FGF14: variants seen among roughly 807,000 people sequenced by gnomAD.
FGF14 encodes the protein fibroblast growth factor homologous factor 4.
A neutral mutation model predicts 25.5 loss-of-function variants in FGF14; 5 were observed. The observed-to-expected ratio is 0.20, with a 90% CI of 0.10 to 0.41. The LOEUF is 0.41. Ranked by LOEUF, FGF14 falls within the 10% of genes least tolerant of loss-of-function variation. FGF14 has a pLI of 1.00. For synonymous variants in FGF14, 138 were observed against 118.3 expected (o/e 1.17, Z -1.08); for missense variants, 222 against 320.1 (o/e 0.69, Z 2.34).
At chr13:102,230,242 G>C (rs776136173) in intron 1 of FGF14, among the ~76,000 whole-genome samples, 1 of 152,074 alleles carries the variant, frequency 6.6e-6, no homozygotes, top group East Asian at 1.9e-4. Context: ...TTTTATCTTG[G>C]ACTTCCCAGT....
chr13:102,256,260 G>C (rs9518686), intron 1 of FGF14, among the ~76,000 whole-genome samples: 23,340 of 151,952 alleles, frequency 0.15, 1,998 homozygotes, highest in East Asian at 0.39. Flanking sequence ...TGTAATCCCA[G>C]CATTTTGGAA....
At chr13:102,212,246 T>G (rs1388692435) in intron 1 of FGF14, among the ~76,000 whole-genome samples, 3 of 151,506 alleles carry the variant, frequency 2.0e-5, no homozygotes, top group African/African-American at 7.4e-5. Context: ...ATATGACATG[T>G]TTTTTTAAAG....
chr13:101,724,597 AAT>A (rs201033233), intron 4 of FGF14, among the ~76,000 whole-genome samples: 2,588 of 121,102 alleles, frequency 0.021, 48 homozygotes, highest in African/African-American at 0.048. Flanking sequence ...ATAATAATAA[AAT>A]ATATATATAT....
At chr13:102,147,391 T>C (rs150135499) in intron 1 of FGF14, among the ~76,000 whole-genome samples, 138 of 152,374 alleles carry the variant, frequency 9.1e-4, no homozygotes, top group African/African-American at 2.9e-3. Flanking sequence ...GTGTTCATAG[T>C]GCAGGCCATT....
chr13:102,205,850 G>C (rs1299917790), intron 1 of FGF14, among the ~76,000 whole-genome samples: 2 of 151,294 alleles, frequency 1.3e-5, no homozygotes, highest in Non-Finnish European at 2.9e-5. Context: ...AAGTGGGTCA[G>C]GCAAGCAGCA....
chr13:102,018,708 T>C lies in FGF14; in HGVS notation c.209-143412A>G, dbSNP rs576435221. Among the ~76,000 whole-genome samples, 9 of 152,222 alleles carry C rather than the reference T, an allele frequency of 5.9e-5. No individual in the cohort carries two copies. In the South Asian group the frequency reaches 1.0e-3, roughly 17 times the overall value. On this transcript the variant is annotated intron_variant, in intron 1 of 4. Transcript: ENST00000376131. ...TCCATCGCCCTCCATCCCTGAGGCC[T>C]CTTCATCCAGCTCCTCTAGCTCAGA...
At chr13:101,944,090 A>AG (rs905080238) in intron 1 of FGF14, among the ~76,000 whole-genome samples, 18 of 151,848 alleles carry the variant, frequency 1.2e-4, no homozygotes, top group Admixed American at 7.2e-4. Context: ...AAATGCTTTT[A>AG]GACTGTGAAG....
intron 1 of FGF14, among the ~76,000 whole-genome samples, chr13:101,904,182 T>C (rs2031942328): frequency 6.6e-6 from 1 of 152,112 alleles, no homozygotes; most frequent in Admixed American, 6.6e-5. Context: ...TTCCAGCCAG[T>C]TTGTGGGAGC....
chr13:101,730,895 A>T (rs1334555266), intron 3 of FGF14, among the ~76,000 whole-genome samples: 1 of 152,184 alleles, frequency 6.6e-6, no homozygotes, highest in Non-Finnish European at 1.5e-5. Flanking sequence ...TGATTTTTTT[A>T]AAAAAGCAGC....
chr13:101,923,526 T>G (rs1201564022), intron 1 of FGF14, among the ~76,000 whole-genome samples: 1 of 152,116 alleles, frequency 6.6e-6, no homozygotes, highest in Admixed American at 6.5e-5. Context: ...AATTTTCAAC[T>G]AGTTAATTAA....
chr13:101,843,123 A>G (rs2043272719), intron 3 of FGF14, among the ~76,000 whole-genome samples: 1 of 152,098 alleles, frequency 6.6e-6, no homozygotes, highest in Non-Finnish European at 1.5e-5. Flanking sequence ...ATTAGCAAGC[A>G]AGGCAGAAGT....
chr13:101,805,087 C>A (rs2041120621), intron 3 of FGF14, among the ~76,000 whole-genome samples: 1 of 152,202 alleles, frequency 6.6e-6, no homozygotes, highest in African/African-American at 2.4e-5. Context: ...AAACTTATGA[C>A]TATAAGCAGG....
chr13:101,963,748 T>C (rs2037013396), intron 1 of FGF14, among the ~76,000 whole-genome samples: 1 of 152,340 alleles, frequency 6.6e-6, no homozygotes, highest in Non-Finnish European at 1.5e-5. Flanking sequence ...TTTATTATTA[T>C]CCAACAAAGA....
chr13:101,943,924 C>T lies in FGF14; in HGVS notation c.209-68628G>A, dbSNP rs1594787969. The stretch of plus-strand genomic sequence containing the variant: ...GGCTGAGGCAGGAGAATCACTTGAA[C>T]CCAGGAGGCGGGGTTGTGGTGAGCC... On this transcript the variant is annotated intron_variant, in intron 1 of 4. Transcript: ENST00000376131. 2.0e-5 allele frequency among the ~76,000 whole-genome samples: 3 copies of T among 148,688 alleles called. No homozygotes were observed. In the South Asian group the frequency reaches 6.3e-4, roughly 31 times the overall value.
intron 3 of FGF14, among the ~76,000 whole-genome samples, chr13:101,866,023 A>G (rs1594535134): frequency 3.3e-5 from 5 of 152,178 alleles, no homozygotes; most frequent in Admixed American, 3.3e-4. Context: ...TAGTTGGGTT[A>G]ACAACGTTTG....
At chr13:102,328,789 C>T (rs2056543707) in intron 1 of FGF14, among the ~76,000 whole-genome samples, 1 of 152,188 alleles carries the variant, frequency 6.6e-6, no homozygotes, top group Non-Finnish European at 1.5e-5. Flanking sequence ...AGCCCTAACA[C>T]TGCTCATATT....
intron 1 of FGF14, among the ~76,000 whole-genome samples, chr13:102,353,407 A>G (rs1594929136): frequency 6.6e-6 from 1 of 152,166 alleles, no homozygotes; most frequent in East Asian, 1.9e-4. Context: ...TGATCACCCC[A>G]AAGCTGTGCC....
intron 1 of FGF14, among the ~76,000 whole-genome samples, chr13:102,247,279 A>G (rs930021629): frequency 5.3e-5 from 8 of 152,168 alleles, no homozygotes; most frequent in Non-Finnish European, 8.8e-5. Flanking sequence ...AAAAGAAAAT[A>G]TCAACAGAGT....
chr13:102,163,786 G>A (rs2047881631), intron 1 of FGF14, among the ~76,000 whole-genome samples: 1 of 152,028 alleles, frequency 6.6e-6, no homozygotes, highest in Non-Finnish European at 1.5e-5. Flanking sequence ...CACAGAATGG[G>A]AAGTCTCTGA....
Sources: allele counts gnomAD v4.1 joint callset (sites outside exome capture counted in the v4.1 genomes callset), GRCh38; gene constraint gnomAD v4.1.1; transcripts MANE v1.5; gene names NCBI Gene and HGNC (gene_info 2026-07-23, HGNC 2026-07-21).